The following SARDH variants were observed in gnomAD, a reference collection of about 807,000 sequenced individuals.
The protein encoded by SARDH is sarcosine dehydrogenase, mitochondrial.
Under a neutral mutation model 109.1 loss-of-function variants are expected in SARDH, and 95 were observed. The ratio of observed to expected loss-of-function variants is 0.87; its 90% CI spans 0.74 to 1.03. SARDH has a LOEUF of 1.03. Among genes scored for constraint, SARDH ranks in the 50% least tolerant of loss-of-function variants. SARDH has a pLI of 0.00. For missense variants in SARDH, 1,267 were observed against 1,287.8 expected, an observed-to-expected ratio of 0.98 and a Z score of 0.25; for synonymous variants, 572 against 534.8, an observed-to-expected ratio of 1.07 and a Z score of -0.96.
At chr9:133,710,962 C>T (rs886244032) in intron 10 of SARDH, among the ~76,000 whole-genome samples, 2 of 152,180 alleles carry the variant, frequency 1.3e-5, no homozygotes, top group African/African-American at 4.8e-5. Flanking sequence ...AGGGTGGGTG[C>T]TCCTCCTCCT....
rs371002234 is a variant in SARDH at position 133,666,754 on chromosome 9, T to C, written c.2612A>G (p.His871Arg). Residue 871 changes from histidine to arginine, a missense_variant, in exon 20 of 21, where the codon CAT becomes CGT. By Grantham distance (29) the His-to-Arg change is conservative (BLOSUM62 0). Coordinates refer to ENST00000439388, the MANE Select transcript of SARDH (RefSeq NM_001134707.2). This position sits in a 1 kb window ranked among gnomAD's most constrained non-coding sequence, Gnocchi z 5.2. Reference sequence around the variant, plus strand: ...ACTCACCGGCCCACCGCTGGGGTCATGGATGTAACCGTAGGCGATGGTCTT... The same window carrying C: ...ACTCACCGGCCCACCGCTGGGGTCACGGATGTAACCGTAGGCGATGGTCTT... ...IDKTIAYGYI[H>R]DPSGGPVSLD... is the part of the protein sequence containing the mutation. 18 of 1,597,434 alleles carry C rather than the reference T, an allele frequency of 1.1e-5. No homozygotes were observed. In the African/African-American group the frequency reaches 1.6e-4, roughly 14 times the overall value.
intron 13 of SARDH, 109 bp downstream of exon 13, chr9:133,702,807 G>T: frequency 1.1e-6 from 1 of 897,986 alleles, no homozygotes; most frequent in Non-Finnish European, 1.8e-6. Context: ...AGCCCGAAGA[G>T]ACTCCTGGGG....
At chr9:133,698,493 C>T (rs918960095) in intron 13 of SARDH, among the ~76,000 whole-genome samples, 1 of 152,198 alleles carries the variant, frequency 6.6e-6, no homozygotes, top group African/African-American at 2.4e-5. Context: ...AACAAAATTG[C>T]AGAATTCACA....
At chr9:133,687,837 T>C (rs1366865130) in intron 16 of SARDH, among the ~76,000 whole-genome samples, 1 of 152,202 alleles carries the variant, frequency 6.6e-6, no homozygotes, top group Non-Finnish European at 1.5e-5. Flanking sequence ...ACCAGTATTA[T>C]TATTCATCTA....
chr9:133,679,400 G>T (rs1183921518), intron 17 of SARDH, among the ~76,000 whole-genome samples: 1 of 152,244 alleles, frequency 6.6e-6, no homozygotes, highest in Non-Finnish European at 1.5e-5. Flanking sequence ...CCGCGACTAG[G>T]ACTTCTCGCT....
At chr9:133,729,186 C>A (rs2427996) in intron 6 of SARDH, among the ~76,000 whole-genome samples, 1 of 151,750 alleles carries the variant, frequency 6.6e-6, no homozygotes, top group Non-Finnish European at 1.5e-5. Flanking sequence ...GCATGATGAA[C>A]GGATGGAAAG....
intron 2 of SARDH, 148 bp from the exon 3 acceptor site, chr9:133,732,749 G>T: frequency 2.3e-6 from 2 of 883,946 alleles, no homozygotes; most frequent in Non-Finnish European, 3.3e-6. Flanking sequence ...GCCTGGAGAG[G>T]TTGTTGAGCA....
At chr9:133,690,832 C>T (rs547824236) in intron 15 of SARDH, among the ~76,000 whole-genome samples, 3 of 152,270 alleles carry the variant, frequency 2.0e-5, no homozygotes, top group African/African-American at 7.2e-5. Flanking sequence ...AACACACAGG[C>T]CTAGGCCAGC....
At chr9:133,717,635 G>A (rs964980646) in intron 7 of SARDH, among the ~76,000 whole-genome samples, 180 bp from the exon 8 acceptor site, 2 of 151,544 alleles carry the variant, frequency 1.3e-5, no homozygotes, top group African/African-American at 4.9e-5. Context: ...CCATCAGCAA[G>A]GTCTGTCTGC....
chr9:133,666,218 C>T lies in SARDH; in HGVS notation c.2631+517G>A, dbSNP rs2131312554. Among the ~76,000 whole-genome samples, 1 of 152,100 alleles carries T rather than the reference C, an allele frequency of 6.6e-6. No individual in the cohort carries two copies. The highest frequency in any genetic ancestry group is 1.5e-5 in the Non-Finnish European group (1 of 67,982). ...GGGGTGAGGAAAGAGAGGATAGGAA[C>T]ATGGGTCTCTGAGTCTCTAGTCGGT... is the stretch of plus-strand genomic sequence containing the variant. On this transcript the variant is annotated intron_variant, in intron 20 of 20. Coordinates refer to ENST00000439388, the MANE Select transcript of SARDH (RefSeq NM_001134707.2). This position sits in a 1 kb window ranked among gnomAD's most constrained non-coding sequence, Gnocchi z 5.2.
intron 19 of SARDH, chr9:133,667,194 GTTTTTTT>G (rs59643474): frequency 4.5e-3 from 1,438 of 320,984 alleles, no homozygotes; most frequent in East Asian, 9.2e-3. Context: ...TTCAACTCTG[GTTTTTTT>G]TTTTTTTTTT....
intron 1 of SARDH, among the ~76,000 whole-genome samples, chr9:133,735,899 G>A (rs542307659): frequency 6.6e-6 from 1 of 151,690 alleles, no homozygotes; most frequent in East Asian, 1.9e-4. Flanking sequence ...CATTAGCCGG[G>A]GGTGGTGGTG....
intron 16 of SARDH, among the ~76,000 whole-genome samples, chr9:133,687,271 G>T (rs562791651): frequency 6.6e-6 from 1 of 152,134 alleles, no homozygotes; most frequent in African/African-American, 2.4e-5. Context: ...GTTTTGGTTT[G>T]TTTTGTTTCA....
intron 17 of SARDH, among the ~76,000 whole-genome samples, chr9:133,684,041 C>T (rs1400399540): frequency 7.2e-6 from 1 of 138,266 alleles, no homozygotes; most frequent in Non-Finnish European, 1.5e-5. Flanking sequence ...AGGGCGACAT[C>T]TCCTCCAGCA....
chr9:133,734,344 C>T (rs923468048), intron 1 of SARDH, 141 bp from the exon 2 acceptor site: 8 of 408,554 alleles, frequency 2.0e-5, no homozygotes, highest in South Asian at 9.9e-5. Context: ...CATTCATTCA[C>T]TCATTCATTC....
chr9:133,700,999 T>A (rs1190293486), intron 13 of SARDH, among the ~76,000 whole-genome samples: 1 of 152,032 alleles, frequency 6.6e-6, no homozygotes, highest in Non-Finnish European at 1.5e-5. Context: ...CCTCCCAAAC[T>A]CCCTTTGAGT....
rs1407051421 is a variant in SARDH, at chr9:133,709,490, A to T, written c.1329-1062T>A. ...CTCCCCCTCACGCTCCACCTGCTAG[A>T]ACCTCACTCATCACTCAAGGCTGCC... On this transcript the variant is annotated intron_variant, in intron 10 of 20. Coordinates refer to ENST00000439388, the MANE Select transcript of SARDH (RefSeq NM_001134707.2). The surrounding 1 kb of genome is among the most constrained non-coding windows in gnomAD (Gnocchi z 4.2). Among the ~76,000 whole-genome samples, 1 of 152,086 alleles carries T rather than the reference A, an allele frequency of 6.6e-6. No homozygotes were observed. The highest frequency in any genetic ancestry group is 1.5e-5 in the Non-Finnish European group (1 of 68,014).
At position 133,731,634 on chromosome 9, in the gene SARDH, A is replaced by G. The variant is rs564874750; in HGVS notation, c.511-150T>C. The G allele has an allele frequency of 4.2e-4, 311 of 745,892 alleles. 1 individual carries two copies. Among genetic ancestry groups the G allele is most frequent in the South Asian group, 3.0e-3 (161 of 53,394 alleles). The allele number at this position is 745,892 out of a possible 1,614,324, so 46.2% of individuals were successfully genotyped here. A position where few individuals can be genotyped will look rare whatever the true frequency, so the allele number is the denominator to read the frequency against. ...CCACGCCCCCGGAGCCTGTCCCTTGAATCCGCTTCAGCATAAGAGTTAAGG... is the reference window on the plus strand; with the variant it reads ...CCACGCCCCCGGAGCCTGTCCCTTGGATCCGCTTCAGCATAAGAGTTAAGG... On this transcript the variant is annotated intron_variant, in intron 3 of 20. Coordinates refer to ENST00000439388, the MANE Select transcript of SARDH (RefSeq NM_001134707.2).
intron 6 of SARDH, among the ~76,000 whole-genome samples, chr9:133,722,097 C>T (rs1422035372): frequency 6.6e-6 from 1 of 151,014 alleles, no homozygotes; most frequent in Non-Finnish European, 1.5e-5. Context: ...GCCTGGGCAA[C>T]AGAGTCTCAC....
Sources: allele counts gnomAD v4.1 joint callset (sites outside exome capture counted in the v4.1 genomes callset), GRCh38; gene constraint gnomAD v4.1.1; non-coding constraint Gnocchi (gnomAD v3.1); transcripts MANE v1.5; gene names NCBI Gene and HGNC (gene_info 2026-07-23, HGNC 2026-07-21).